COX7B2: variants seen among roughly 807,000 people sequenced by gnomAD.
The protein encoded by COX7B2 is cytochrome c oxidase subunit 7B2.
For missense variants in COX7B2, 109 were observed against 95.9 expected (o/e 1.14, Z -0.57); for synonymous variants, 37 against 32.1 (o/e 1.15, Z -0.51).
intron 1 of COX7B2, among the ~76,000 whole-genome samples, chr4:46,882,139 T>C (rs1203997162): frequency 6.6e-6 from 1 of 152,238 alleles, no homozygotes; most frequent in Non-Finnish European, 1.5e-5. Context: ...TCTATTTTTA[T>C]TGTACTGTGA....
chr4:46,874,307 A>C (rs1402619971), intron 1 of COX7B2, among the ~76,000 whole-genome samples: 2 of 152,232 alleles, frequency 1.3e-5, no homozygotes, highest in Non-Finnish European at 2.9e-5. Flanking sequence ...TATTTTTAAG[A>C]ACCACAAAAT....
chr4:46,806,568 A>G (rs1719005583), intron 2 of COX7B2, among the ~76,000 whole-genome samples: 1 of 152,104 alleles, frequency 6.6e-6, no homozygotes, highest in Non-Finnish European at 1.5e-5. Flanking sequence ...CACATTTAGC[A>G]TGAATCCTGT....
chr4:46,790,095 T>C (rs1038969082), intron 2 of COX7B2, among the ~76,000 whole-genome samples: 7 of 152,162 alleles, frequency 4.6e-5, no homozygotes, highest in Non-Finnish European at 7.4e-5. Context: ...TCTATAATTT[T>C]CTATCTGCTA....
At chr4:46,862,825 T>C (rs1237009605) in intron 1 of COX7B2, among the ~76,000 whole-genome samples, 2 of 152,188 alleles carry the variant, frequency 1.3e-5, no homozygotes. Context: ...TGCTAAACTA[T>C]TAAAAAGAAA....
At chr4:46,800,859 A>C (rs1718619458) in intron 2 of COX7B2, among the ~76,000 whole-genome samples, 1 of 152,164 alleles carries the variant, frequency 6.6e-6, no homozygotes, top group African/African-American at 2.4e-5. Flanking sequence ...TTTGCAAACT[A>C]TGCATTCAAC....
intron 1 of COX7B2, among the ~76,000 whole-genome samples, chr4:46,897,310 T>C (rs1719821434): frequency 6.6e-6 from 1 of 152,154 alleles, no homozygotes; most frequent in African/African-American, 2.4e-5. Context: ...AGAAAATGAA[T>C]CGATATCTCT....
At chr4:46,747,138 T>C (rs1377988189) in intron 2 of COX7B2, among the ~76,000 whole-genome samples, 2 of 152,110 alleles carry the variant, frequency 1.3e-5, no homozygotes, top group East Asian at 3.9e-4. Flanking sequence ...GTTGTACAGA[T>C]TATTTCATCA....
At chr4:46,817,424 C>T (rs184942963) in intron 2 of COX7B2, among the ~76,000 whole-genome samples, 75 of 152,308 alleles carry the variant, frequency 4.9e-4, no homozygotes, top group Non-Finnish European at 9.3e-4. Context: ...TTCAGTCTCT[C>T]AGTCCCCCAG....
intron 2 of COX7B2, among the ~76,000 whole-genome samples, chr4:46,777,785 G>A (rs1191143234): frequency 6.6e-6 from 1 of 152,126 alleles, no homozygotes; most frequent in Non-Finnish European, 1.5e-5. Flanking sequence ...TCCTTAACTA[G>A]CCATGTGACA....
chr4:46,832,582 C>G (rs1036231911), intron 2 of COX7B2, among the ~76,000 whole-genome samples: 2 of 152,008 alleles, frequency 1.3e-5, no homozygotes, highest in Non-Finnish European at 2.9e-5. Flanking sequence ...GGAGGTCTGA[C>G]CCCTCCAAAT....
At chr4:46,786,934 G>C (rs557465801) in intron 2 of COX7B2, among the ~76,000 whole-genome samples, 1 of 152,132 alleles carries the variant, frequency 6.6e-6, no homozygotes, top group African/African-American at 2.4e-5. Context: ...TGGCATAAAA[G>C]AGAGAGTTCC....
intron 2 of COX7B2, among the ~76,000 whole-genome samples, chr4:46,755,858 A>C (rs900836005): frequency 6.6e-6 from 1 of 152,144 alleles, no homozygotes; most frequent in Non-Finnish European, 1.5e-5. Context: ...GACTGGAAGA[A>C]TCAAAATTGT....
At chr4:46,810,800 C>G (rs1482080245) in intron 2 of COX7B2, among the ~76,000 whole-genome samples, 1 of 152,136 alleles carries the variant, frequency 6.6e-6, no homozygotes. Context: ...ACTTGAAGAA[C>G]TTCCTTAAGC....
At chr4:46,835,596 G>A (rs1310457364) in intron 2 of COX7B2, among the ~76,000 whole-genome samples, 1 of 152,106 alleles carries the variant, frequency 6.6e-6, no homozygotes. Flanking sequence ...GTAAGATATA[G>A]CATGTTACAG....
intron 2 of COX7B2, among the ~76,000 whole-genome samples, chr4:46,840,723 CAAT>C (rs1470457089): frequency 6.6e-6 from 1 of 152,026 alleles, no homozygotes; most frequent in Non-Finnish European, 1.5e-5. Flanking sequence ...TACTGTGATA[CAAT>C]AATACCTGCT....
chr4:46,777,065 C>A (rs762599572), intron 2 of COX7B2, among the ~76,000 whole-genome samples: 9 of 152,052 alleles, frequency 5.9e-5, no homozygotes, highest in Non-Finnish European at 1.0e-4. Flanking sequence ...GCTGCATCAT[C>A]CAGAGTAAAT....
chr4:46,900,447 A>ATTGTT (rs1238928762), intron 1 of COX7B2, among the ~76,000 whole-genome samples: 2 of 152,138 alleles, frequency 1.3e-5, no homozygotes, highest in Non-Finnish European at 2.9e-5. Context: ...TGAGTAGAAC[A>ATTGTT]ACTGACCTGG....
At chr4:46,861,740 G>A (rs536987159) in intron 1 of COX7B2, among the ~76,000 whole-genome samples, 12 of 152,304 alleles carry the variant, frequency 7.9e-5, no homozygotes, top group Admixed American at 2.0e-4. Flanking sequence ...GTTGTAGAAT[G>A]TTTCTGGCTC....
At chr4:46,752,608 A>G (rs1224148762) in intron 2 of COX7B2, among the ~76,000 whole-genome samples, 1 of 152,112 alleles carries the variant, frequency 6.6e-6, no homozygotes, top group African/African-American at 2.4e-5. Flanking sequence ...TACCTAATTT[A>G]TTGAGAGTTT....
Sources: allele counts gnomAD v4.1 joint callset (sites outside exome capture counted in the v4.1 genomes callset), GRCh38; gene constraint gnomAD v4.1.1; transcripts MANE v1.5; gene names NCBI Gene and HGNC (gene_info 2026-07-23, HGNC 2026-07-21).